Variants in ABLIM2 observed in about 807,000 individuals in gnomAD.
ABLIM2 encodes actin-binding LIM protein 2.
Under a neutral mutation model 97.7 loss-of-function variants are expected in ABLIM2, and 53 were observed. The ratio of observed to expected loss-of-function variants is 0.54; its 90% CI spans 0.44 to 0.68. ABLIM2 has a LOEUF of 0.68. Ranked by LOEUF, ABLIM2 falls within the 30% of genes least tolerant of loss-of-function variation. The probability of loss-of-function intolerance (pLI) is 0.00; values close to 1 mark genes in which losing one functional copy is unlikely to be tolerated. For synonymous variants in ABLIM2, 361 were observed against 345.8 expected (o/e 1.04, Z -0.49); for missense variants, 835 against 867.2 (o/e 0.96, Z 0.47).
chr4:7,981,710 T>C (rs923309594), intron 20 of ABLIM2, among the ~76,000 whole-genome samples: 1 of 152,214 alleles, frequency 6.6e-6, no homozygotes. Flanking sequence ...GTCCCCTCCC[T>C]GTACCGAGGG....
At chr4:8,024,521 A>G (rs1429763455) in intron 12 of ABLIM2, among the ~76,000 whole-genome samples, 1 of 152,148 alleles carries the variant, frequency 6.6e-6, no homozygotes, top group Non-Finnish European at 1.5e-5. Context: ...GGGAGCAAAC[A>G]GGAAGGGCTT....
intron 1 of ABLIM2, among the ~76,000 whole-genome samples, chr4:8,107,198 G>C (rs759783029): frequency 6.6e-6 from 1 of 152,252 alleles, no homozygotes; most frequent in Non-Finnish European, 1.5e-5. Context: ...CTCCCTTAAA[G>C]CCACCACAGT....
At chr4:8,089,619 C>T (rs1825937892) in intron 3 of ABLIM2, among the ~76,000 whole-genome samples, 2 of 151,204 alleles carry the variant, frequency 1.3e-5, no homozygotes, top group South Asian at 4.2e-4. Flanking sequence ...CTTGTAATCC[C>T]AGCTACTTGA....
intron 18 of ABLIM2, among the ~76,000 whole-genome samples, chr4:7,984,047 C>A (rs35006359): frequency 0.1 from 15,487 of 152,284 alleles, 986 homozygotes; most frequent in Non-Finnish European, 0.15. Flanking sequence ...TGTCTTACTT[C>A]CAGACTGAAA....
chr4:8,143,501 G>A (rs1261057504), intron 1 of ABLIM2, among the ~76,000 whole-genome samples: 1 of 151,870 alleles, frequency 6.6e-6, no homozygotes, highest in African/African-American at 2.4e-5. Flanking sequence ...CCCATCTCGG[G>A]GGCTCTGCAC....
intron 14 of ABLIM2, among the ~76,000 whole-genome samples, chr4:8,013,537 T>A (rs1766545495): frequency 6.6e-6 from 1 of 152,204 alleles, no homozygotes; most frequent in Admixed American, 6.5e-5. Flanking sequence ...GGGTAAACAT[T>A]TGTAAAGCAT....
chr4:8,148,162 A>G lies in ABLIM2; in HGVS notation c.10+10518T>C, dbSNP rs1852128310. Among the ~76,000 whole-genome samples the G allele has an allele frequency of 2.0e-5, 3 of 152,210 alleles. No homozygotes were observed. The highest frequency in any genetic ancestry group is 4.4e-5 in the Non-Finnish European group (3 of 68,018). On this transcript the variant is annotated intron_variant, in intron 1 of 20. Coordinates refer to ENST00000447017, the MANE Select transcript of ABLIM2 (RefSeq NM_001130083.2). This position sits in a 1 kb window ranked among gnomAD's most constrained non-coding sequence, Gnocchi z 6.7. ...GAAGGGGTTTGGAGTGGCAGGAGGC[A>G]GGGGCAGAGGGAGAAAAGGAAGACG...
At chr4:8,053,596 T>A (rs6842110) in intron 8 of ABLIM2, among the ~76,000 whole-genome samples, 38,082 of 152,102 alleles carry the variant, frequency 0.25, 4,985 homozygotes, top group Middle Eastern at 0.33. Context: ...GTTCACCAAA[T>A]GAGAGAAAAG....
chr4:8,154,048 T>A (rs527986856), intron 1 of ABLIM2, among the ~76,000 whole-genome samples: 1 of 151,052 alleles, frequency 6.6e-6, no homozygotes, highest in Admixed American at 6.6e-5. Flanking sequence ...CTGCAAGCTC[T>A]GCCTCCCAGG....
chr4:8,102,521 A>C (rs957658310), intron 2 of ABLIM2, among the ~76,000 whole-genome samples: 1 of 152,222 alleles, frequency 6.6e-6, no homozygotes, highest in Non-Finnish European at 1.5e-5. Flanking sequence ...AGTGCCTGGC[A>C]CATAGTAGGT....
chr4:8,129,444 T>G (rs1382547728), intron 1 of ABLIM2, among the ~76,000 whole-genome samples: 1 of 152,214 alleles, frequency 6.6e-6, no homozygotes, highest in Non-Finnish European at 1.5e-5. Flanking sequence ...TTTATTTGAT[T>G]TTAATTCATT....
intron 1 of ABLIM2, among the ~76,000 whole-genome samples, chr4:8,144,894 T>C (rs961370106): frequency 6.6e-6 from 1 of 152,278 alleles, no homozygotes; most frequent in Non-Finnish European, 1.5e-5. Flanking sequence ...CAGAACTCTT[T>C]GTTCCCTATT....
rs1286908536 is a variant in ABLIM2 at position 8,148,420 on chromosome 4, G to A, written c.10+10260C>T. Among the ~76,000 whole-genome samples the A allele has an allele frequency of 2.0e-5, 3 of 152,168 alleles. No homozygotes were observed. The highest frequency in any genetic ancestry group is 4.4e-5 in the Non-Finnish European group (3 of 68,016). ...GGTGAGGGAGCCGCTCAGGACGCGG[G>A]GGGGCCATGGCGCACCACAGTTAGG... On this transcript the variant is annotated intron_variant, in intron 1 of 20. Transcript: ENST00000447017. The surrounding 1 kb of genome is among the most constrained non-coding windows in gnomAD (Gnocchi z 6.7).
At chr4:8,049,811 C>T (rs1794831671) in intron 8 of ABLIM2, among the ~76,000 whole-genome samples, 1 of 152,198 alleles carries the variant, frequency 6.6e-6, no homozygotes, top group Admixed American at 6.5e-5. Flanking sequence ...TCACTGCAAC[C>T]TCTGCCTCCC....
chr4:8,144,398 G>T (rs556148196), intron 1 of ABLIM2, among the ~76,000 whole-genome samples: 1 of 152,238 alleles, frequency 6.6e-6, no homozygotes. Context: ...CCCCAGGGCC[G>T]CCGCTGGGGG....
chr4:8,013,645 T>C (rs1288479817), intron 14 of ABLIM2, among the ~76,000 whole-genome samples: 2 of 152,246 alleles, frequency 1.3e-5, no homozygotes, highest in East Asian at 3.8e-4. Flanking sequence ...GAACCTTGTC[T>C]GTCTGACCCT....
In ABLIM2 at chr4:7,973,952, G is replaced by T. The variant is rs114135661; in HGVS notation, c.1825-6849C>A. On this transcript the variant is annotated intron_variant, in intron 20 of 20. Coordinates refer to ENST00000447017, the MANE Select transcript of ABLIM2 (RefSeq NM_001130083.2). ...CAGCTGACTGCAAGAGAAGGAGATC[G>T]CCCTCAATAATGCAGGAGCCTCATG... Among the ~76,000 whole-genome samples the T allele has an allele frequency of 8.1e-3, 1,236 of 152,248 alleles. 7 individuals carry two copies. Among genetic ancestry groups the T allele is most frequent in the Non-Finnish European group, 0.013 (877 of 68,022 alleles).
intron 1 of ABLIM2, among the ~76,000 whole-genome samples, chr4:8,138,881 G>C (rs2152941397): frequency 6.6e-6 from 1 of 152,328 alleles, no homozygotes; most frequent in Admixed American, 6.5e-5. Context: ...TTAAACTAAA[G>C]AGCTTCTGCA....
At position 7,999,515 on chromosome 4, in the gene ABLIM2, A is replaced by G. The variant is rs1175981646; in HGVS notation, c.1619-6588T>C. ...AAGGTCAAACAGTTACTAACTAGAG[A>G]GGCTGAGATGAGGAGGGCTCCCTAG... On this transcript the variant is annotated intron_variant, in intron 16 of 20. Transcript: ENST00000447017. This position sits in a 1 kb window ranked among gnomAD's most constrained non-coding sequence, Gnocchi z 4.4. Among the ~76,000 whole-genome samples, 1 of 152,220 alleles carries G rather than the reference A, an allele frequency of 6.6e-6. No homozygotes were observed. Among genetic ancestry groups the G allele is most frequent in the African/African-American group, 2.4e-5 (1 of 41,450 alleles).
Sources: allele counts gnomAD v4.1 joint callset (sites outside exome capture counted in the v4.1 genomes callset), GRCh38; gene constraint gnomAD v4.1.1; non-coding constraint Gnocchi (gnomAD v3.1); transcripts MANE v1.5; gene names NCBI Gene and HGNC (gene_info 2026-07-23, HGNC 2026-07-21).